Variants in HSD17B11 observed in about 807,000 individuals in gnomAD.
HSD17B11 encodes estradiol 17-beta-dehydrogenase 11.
In HSD17B11, 22 loss-of-function variants were observed where a neutral mutation model predicts 27.8. The ratio of observed to expected loss-of-function variants is 0.79; its 90% CI spans 0.56 to 1.13. The LOEUF (loss-of-function observed/expected upper bound fraction) is 1.13. Ranked by LOEUF, HSD17B11 falls within the 50% of genes most tolerant of loss-of-function variation. The pLI is 0.00. For synonymous variants in HSD17B11, 117 were observed against 132.8 expected (o/e 0.88, Z 0.82); for missense variants, 314 against 351.1 (o/e 0.89, Z 0.84).
chr4:87,375,704 G>A (rs967285243), intron 2 of HSD17B11, among the ~76,000 whole-genome samples: 7 of 152,320 alleles, frequency 4.6e-5, no homozygotes, highest in Non-Finnish European at 8.8e-5. Context: ...TCGCGCCATC[G>A]CACTCCGGCC....
rs62305734 is a variant in HSD17B11 at position 87,352,965 on chromosome 4, C to G, written c.695+4314G>C. ...GCGCTTCCCAGGTGAGGCAATGCCT[C>G]GCCCTGCTTCGGCTCGCGCACGGTG... On this transcript the variant is annotated intron_variant, in intron 5 of 6. Coordinates refer to ENST00000358290, the MANE Select transcript of HSD17B11 (RefSeq NM_016245.5). Among the ~76,000 whole-genome samples the G allele has an allele frequency of 3.0e-5, 3 of 100,836 alleles. 1 individual carries two copies. Among genetic ancestry groups the G allele is most frequent in the African/African-American group, 1.6e-4 (3 of 18,822 alleles). The allele number at this position is 100,836 out of a possible 152,430, so 66.2% of individuals were successfully genotyped here.
chr4:87,357,518 G>C, intron 4 of HSD17B11, 102 bp from the exon 5 acceptor site: 1 of 1,086,768 alleles, frequency 9.2e-7, no homozygotes, highest in Non-Finnish European at 1.3e-6. Flanking sequence ...GGCATTCCCT[G>C]AGTCTCAGGC....
At position 87,368,623 on chromosome 4, in the gene HSD17B11, C is replaced by T. The variant is rs191619101; in HGVS notation, c.557+4086G>A. On this transcript the variant is annotated intron_variant, in intron 4 of 6. Coordinates refer to ENST00000358290, the MANE Select transcript of HSD17B11 (RefSeq NM_016245.5). The stretch of plus-strand genomic sequence containing the variant: ...AGGCTGAAACCTACCGGACTGCATT[C>T]CCAGACTGTTAACGCATTCTAAGTC... Among the ~76,000 whole-genome samples, 39 of 152,266 alleles carry T rather than the reference C, an allele frequency of 2.6e-4. No homozygotes were observed. In the East Asian group the frequency reaches 7.3e-3, roughly 29 times the overall value.
intron 4 of HSD17B11, among the ~76,000 whole-genome samples, chr4:87,359,949 A>C (rs1424402763): frequency 6.6e-6 from 1 of 152,218 alleles, no homozygotes. Flanking sequence ...CAACTTTTAT[A>C]AAGGAATAAG....
chr4:87,342,434 G>C (rs1735187588), intron 5 of HSD17B11, among the ~76,000 whole-genome samples: 1 of 150,248 alleles, frequency 6.7e-6, no homozygotes, highest in Non-Finnish European at 1.5e-5. Flanking sequence ...GTGCCAGGCA[G>C]AGTGACTCAC....
chr4:87,359,628 C>T (rs375970197), intron 4 of HSD17B11, among the ~76,000 whole-genome samples: 11 of 152,258 alleles, frequency 7.2e-5, no homozygotes, highest in African/African-American at 1.7e-4. Context: ...TCTCTCACGG[C>T]GCTGGGATTA....
At chr4:87,369,434 T>TC (rs201616904) in intron 4 of HSD17B11, among the ~76,000 whole-genome samples, 10,800 of 147,252 alleles carry the variant, frequency 0.073, 1,320 homozygotes, top group African/African-American at 0.25. Flanking sequence ...TCCAAATTCT[T>TC]TTTTTTTTTT....
In HSD17B11 at chr4:87,347,251, T is replaced by A. The variant is rs1328696582; in HGVS notation, c.696-6645A>T. Reference sequence around the variant, plus strand: ...AATGTGTCATCTAGCATTAGGTATATCTCCCAATGCTATCCCTCCCCACTC... The same window carrying A: ...AATGTGTCATCTAGCATTAGGTATAACTCCCAATGCTATCCCTCCCCACTC... On this transcript the variant is annotated intron_variant, in intron 5 of 6. Transcript: ENST00000358290. Among the ~76,000 whole-genome samples the A allele has an allele frequency of 5.8e-3, 414 of 71,408 alleles. 11 individuals are homozygous for A. Among genetic ancestry groups the A allele is most frequent in the Non-Finnish European group, 9.3e-3 (366 of 39,414 alleles). 46.8% of individuals were successfully genotyped at this position (71,408 alleles called of 152,430 possible).
chr4:87,377,631 G>A (rs1178571236), intron 2 of HSD17B11, among the ~76,000 whole-genome samples: 4 of 152,122 alleles, frequency 2.6e-5, no homozygotes, highest in African/African-American at 9.7e-5. Context: ...ATAATTCCAA[G>A]GGGTAGCAAT....
Position 87,374,706 on chromosome 4 carries a change from T to G in HSD17B11, c.443A>C (p.His148Pro). The change falls in exon 3 of 7, where the codon CAT (histidine) becomes CCT (proline). Residue 148 changes from histidine to proline, a missense_variant. By Grantham distance (77) the His-to-Pro change is moderately conservative (BLOSUM62 -2). Transcript: ENST00000358290. ...EKTFEVNVLA[H>P]FWTTKAFLPA... is the part of the protein sequence containing the mutation. ...AAAAGAAGCCATACTCACCCAGAAA[T>G]GTGCAAGTACATTAACTTCAAAAGT... 6.3e-7 allele frequency: 1 copy of G among 1,598,086 alleles called. No individual in the cohort carries two copies. Among genetic ancestry groups the G allele is most frequent in the Non-Finnish European group, 8.5e-7 (1 of 1,176,458 alleles).
At chr4:87,343,170 A>T (rs1383100069) in intron 5 of HSD17B11, among the ~76,000 whole-genome samples, 1 of 152,200 alleles carries the variant, frequency 6.6e-6, no homozygotes, top group African/African-American at 2.4e-5. Flanking sequence ...AGCCCCTGTC[A>T]GATAACTTCT....
chr4:87,379,696 A>G (rs1720078305), intron 2 of HSD17B11, among the ~76,000 whole-genome samples: 2 of 144,916 alleles, frequency 1.4e-5, no homozygotes, highest in South Asian at 4.2e-4. Context: ...TTAGTATACT[A>G]TACTATTATA....
Position 87,371,978 on chromosome 4 carries a change from T to C in HSD17B11, c.557+731A>G, listed in dbSNP as rs542093153. ...CACTTCTCGGCTGGGCGAGGTGGCT[T>C]ACACCTGTAATCTCAGCACTTTGGT... On this transcript the variant is annotated intron_variant, in intron 4 of 6. Coordinates refer to ENST00000358290, the MANE Select transcript of HSD17B11 (RefSeq NM_016245.5). Among the ~76,000 whole-genome samples, 712 of 152,198 alleles carry C rather than the reference T, an allele frequency of 4.7e-3. 4 individuals carry two copies. The highest frequency in any genetic ancestry group is 0.016 in the African/African-American group (667 of 41,548).
intron 5 of HSD17B11, among the ~76,000 whole-genome samples, chr4:87,353,643 G>T (rs1735325546): frequency 6.6e-6 from 1 of 152,164 alleles, no homozygotes; most frequent in South Asian, 2.1e-4. Context: ...AGAGGAGTTT[G>T]GCAATATGTA....
chr4:87,369,199 G>A (rs1357298721), intron 4 of HSD17B11, among the ~76,000 whole-genome samples: 1 of 152,096 alleles, frequency 6.6e-6, no homozygotes, highest in Non-Finnish European at 1.5e-5. Flanking sequence ...TATATTGAAA[G>A]TCAGAGTTAA....
chr4:87,340,733 G>T (rs1361387290), intron 5 of HSD17B11, 127 bp from the exon 6 acceptor site: 8 of 569,882 alleles, frequency 1.4e-5, no homozygotes, highest in South Asian at 2.9e-5. Flanking sequence ...GTCTAGCCTA[G>T]TATAGGTGCT....
chr4:87,344,650 T>C (rs1247826296), intron 5 of HSD17B11, among the ~76,000 whole-genome samples: 2 of 152,126 alleles, frequency 1.3e-5, no homozygotes, highest in Non-Finnish European at 1.5e-5. Context: ...AAATCAACTA[T>C]ACCTAACAGA....
At chr4:87,377,818 G>C (rs1307499241) in intron 2 of HSD17B11, among the ~76,000 whole-genome samples, 1 of 152,154 alleles carries the variant, frequency 6.6e-6, no homozygotes, top group African/African-American at 2.4e-5. Flanking sequence ...GGGACTGAGG[G>C]AAAAGTGGCA....
At chr4:87,347,135 T>TA (rs1211722219) in intron 5 of HSD17B11, among the ~76,000 whole-genome samples, 1 of 91,068 alleles carries the variant, frequency 1.1e-5, no homozygotes, top group Non-Finnish European at 2.1e-5. Context: ...TTTTTTTTTT[T>TA]TATTATACTC....
Sources: allele counts gnomAD v4.1 joint callset (sites outside exome capture counted in the v4.1 genomes callset), GRCh38; gene constraint gnomAD v4.1.1; transcripts MANE v1.5; gene names NCBI Gene and HGNC (gene_info 2026-07-23, HGNC 2026-07-21).